SEMA5A: variants seen among roughly 807,000 people sequenced by gnomAD.
SEMA5A encodes the protein semaphorin-5A.
Under a neutral mutation model 135.5 loss-of-function variants are expected in SEMA5A, and 55 were observed. The ratio of observed to expected loss-of-function variants is 0.41; its 90% CI spans 0.33 to 0.51. The LOEUF is 0.51. Ranked by LOEUF, SEMA5A falls within the 20% of genes least tolerant of loss-of-function variation. The pLI, the probability that SEMA5A is intolerant of heterozygous loss-of-function variation, is 0.37. For synonymous variants in SEMA5A, 580 were observed against 546.5 expected (o/e 1.06, Z -0.85); for missense variants, 1,290 against 1,419.9 (o/e 0.91, Z 1.47).
intron 21 of SEMA5A, chr5:9,045,811 A>G (rs576053817): frequency 2.0e-5 from 3 of 152,224 alleles, no homozygotes; most frequent in South Asian, 4.1e-4. Context: ...GCAGTTATGA[A>G]TACAAAGCAT....
intron 1 of SEMA5A, among the ~76,000 whole-genome samples, chr5:9,542,675 T>A (rs1738157930): frequency 6.6e-6 from 1 of 152,368 alleles, no homozygotes; most frequent in African/African-American, 2.4e-5. Flanking sequence ...ACAAAATTGG[T>A]ATAATTTTAG....
chr5:9,408,484 A>C (rs1053722736), intron 2 of SEMA5A, among the ~76,000 whole-genome samples: 13 of 152,210 alleles, frequency 8.5e-5, no homozygotes, highest in African/African-American at 2.9e-4. Flanking sequence ...ATATGCAGTA[A>C]ATACTGAATT....
chr5:9,408,747 C>G lies in SEMA5A; in HGVS notation c.-77-28724G>C, dbSNP rs148595749. 2.0e-3 allele frequency among the ~76,000 whole-genome samples: 298 copies of G among 152,262 alleles called. 2 individuals are homozygous for G. The highest frequency in any genetic ancestry group is 7.0e-3 in the African/African-American group (289 of 41,546). On this transcript the variant is annotated intron_variant, in intron 2 of 22. Coordinates refer to ENST00000382496, the MANE Select transcript of SEMA5A (RefSeq NM_003966.3). Reference sequence around the variant, plus strand: ...AAGTTCACAGAACTAAAATTTGAATCCAGGCAGCAGTCTCACCATGATCTC... The same window carrying G: ...AAGTTCACAGAACTAAAATTTGAATGCAGGCAGCAGTCTCACCATGATCTC...
At chr5:9,266,560 T>C (rs112804997) in intron 5 of SEMA5A, among the ~76,000 whole-genome samples, 7 of 152,326 alleles carry the variant, frequency 4.6e-5, no homozygotes, top group East Asian at 1.9e-4. Context: ...TCCCGTAAGA[T>C]AGTGTTAGAA....
chr5:9,464,340 C>A (rs1353583954), intron 1 of SEMA5A, among the ~76,000 whole-genome samples: 1 of 152,200 alleles, frequency 6.6e-6, no homozygotes, highest in African/African-American at 2.4e-5. Flanking sequence ...GTCTAAACTC[C>A]CATGTCTTAC....
At chr5:9,413,297 C>A (rs183571692) in intron 2 of SEMA5A, among the ~76,000 whole-genome samples, 102 of 152,268 alleles carry the variant, frequency 6.7e-4, no homozygotes, top group Non-Finnish European at 8.8e-5. Flanking sequence ...ACCATCTACA[C>A]TAGATATATA....
chr5:9,403,931 T>C (rs970585997), intron 2 of SEMA5A, among the ~76,000 whole-genome samples: 12 of 145,434 alleles, frequency 8.3e-5, no homozygotes, highest in African/African-American at 2.2e-4. Context: ...TGTTTGTTTG[T>C]TTGTCTGTTT....
chr5:9,476,059 T>C (rs1759657094), intron 1 of SEMA5A, among the ~76,000 whole-genome samples: 1 of 152,228 alleles, frequency 6.6e-6, no homozygotes, highest in Non-Finnish European at 1.5e-5. Context: ...CATTCACCCT[T>C]CATTCACATA....
At chr5:9,494,320 T>A (rs1252273992) in intron 1 of SEMA5A, among the ~76,000 whole-genome samples, 1 of 152,168 alleles carries the variant, frequency 6.6e-6, no homozygotes, top group Non-Finnish European at 1.5e-5. Context: ...GGCAGTACAA[T>A]ATCCATTCAA....
chr5:9,124,487 C>A (rs971051594), intron 13 of SEMA5A, among the ~76,000 whole-genome samples: 1 of 152,086 alleles, frequency 6.6e-6, no homozygotes, highest in Non-Finnish European at 1.5e-5. Context: ...GATGGAGTCT[C>A]GCTCTGTTGC....
intron 18 of SEMA5A, among the ~76,000 whole-genome samples, chr5:9,061,218 A>G (rs954216376): frequency 2.0e-5 from 3 of 152,140 alleles, no homozygotes; most frequent in Non-Finnish European, 4.4e-5. Context: ...GACCTGGATC[A>G]TAACACTGCA....
intron 4 of SEMA5A, among the ~76,000 whole-genome samples, chr5:9,322,824 C>T (rs960001339): frequency 6.6e-6 from 1 of 152,032 alleles, no homozygotes; most frequent in Non-Finnish European, 1.5e-5. Flanking sequence ...ATTTCACCTG[C>T]ACCAAACATG....
At chr5:9,163,661 T>A (rs1743420950) in intron 11 of SEMA5A, among the ~76,000 whole-genome samples, 1 of 152,212 alleles carries the variant, frequency 6.6e-6, no homozygotes, top group South Asian at 2.1e-4. Context: ...GACCTCAGCA[T>A]GTGACTGTAT....
intron 16 of SEMA5A, among the ~76,000 whole-genome samples, chr5:9,068,885 G>A (rs1030542497): frequency 6.6e-6 from 1 of 152,146 alleles, no homozygotes; most frequent in African/African-American, 2.4e-5. Context: ...AGACTACAAA[G>A]CAAAATCAGC....
chr5:9,396,246 G>GCA (rs147262677), intron 2 of SEMA5A, among the ~76,000 whole-genome samples: 32,756 of 148,770 alleles, frequency 0.22, 3,730 homozygotes, highest in Middle Eastern at 0.3. Flanking sequence ...GCGCGTGCGT[G>GCA]CACACACACA....
intron 5 of SEMA5A, among the ~76,000 whole-genome samples, chr5:9,244,031 C>G (rs1748350621): frequency 6.6e-6 from 1 of 152,164 alleles, no homozygotes. Context: ...TCTAAAGCCT[C>G]TGGGCCCATT....
At position 9,152,934 on chromosome 5, in the gene SEMA5A, T is replaced by G. The variant is rs187387246; in HGVS notation, c.1481+1554A>C. On this transcript the variant is annotated intron_variant, in intron 12 of 22. Transcript: ENST00000382496. ...TAAAAATACAAAAATTAGCTGGGCA[T>G]GCTGGCACATGTAATTTCAGCTACT... 3.5e-3 allele frequency among the ~76,000 whole-genome samples: 537 copies of G among 152,236 alleles called. 2 individuals are homozygous for G. The highest frequency in any genetic ancestry group is 0.012 in the African/African-American group (518 of 41,542).
At chr5:9,388,494 A>G (rs1561211898) in intron 2 of SEMA5A, among the ~76,000 whole-genome samples, 1 of 152,088 alleles carries the variant, frequency 6.6e-6, no homozygotes, top group African/African-American at 2.4e-5. Context: ...GAAAAAGAAA[A>G]AAGTACTTAA....
chr5:9,079,570 G>T (rs1738256177), intron 16 of SEMA5A, among the ~76,000 whole-genome samples: 1 of 152,002 alleles, frequency 6.6e-6, no homozygotes, highest in Non-Finnish European at 1.5e-5. Context: ...AAGAGCTTCT[G>T]CACAGCAAAA....
Sources: gnomAD v4.1 joint callset for allele counts (sites outside exome capture counted in the v4.1 genomes callset) on GRCh38, gnomAD v4.1.1 for gene constraint, MANE v1.5 for transcripts, NCBI Gene and HGNC (gene_info 2026-07-23, HGNC 2026-07-21) for gene names.